The following GRID1 variants were observed in gnomAD, a reference collection of about 807,000 sequenced individuals.
The protein encoded by GRID1 is glutamate ionotropic receptor delta type subunit 1, also known as glutamate receptor ionotropic, delta-1.
Under a neutral mutation model 98.0 loss-of-function variants are expected in GRID1, and 28 were observed. The ratio of observed to expected loss-of-function variants is 0.29; its 90% CI spans 0.21 to 0.39. The LOEUF (loss-of-function observed/expected upper bound fraction) is 0.39, where lower values mean the gene tolerates loss of function less well. Ranked by LOEUF, GRID1 falls within the 10% of genes least tolerant of loss-of-function variation. GRID1 has a pLI of 1.00. For synonymous variants in GRID1, 553 were observed against 538.5 expected, an observed-to-expected ratio of 1.03 and a Z score of -0.37; for missense variants, 1,111 against 1,340.5, an observed-to-expected ratio of 0.83 and a Z score of 2.67.
chr10:85,625,998 G>A (rs1432925415), intron 13 of GRID1, among the ~76,000 whole-genome samples: 2 of 152,110 alleles, frequency 1.3e-5, no homozygotes, highest in African/African-American at 4.8e-5. Flanking sequence ...CTTTGGAAAG[G>A]GACAAGCAAC....
At chr10:86,063,929 T>C (rs1843683848) in intron 4 of GRID1, among the ~76,000 whole-genome samples, 1 of 152,164 alleles carries the variant, frequency 6.6e-6, no homozygotes, top group South Asian at 2.1e-4. Flanking sequence ...GCAGAGACCA[T>C]ATATGCTACA....
intron 4 of GRID1, among the ~76,000 whole-genome samples, chr10:86,129,668 T>C (rs560330544): frequency 6.6e-6 from 1 of 152,206 alleles, no homozygotes; most frequent in African/African-American, 2.4e-5. Context: ...AGAAGGCACA[T>C]GGCCCCAGGT....
chr10:86,307,535 C>T (rs564718997), intron 2 of GRID1, among the ~76,000 whole-genome samples: 169 of 152,174 alleles, frequency 1.1e-3, no homozygotes, highest in Non-Finnish European at 2.4e-4. Context: ...CCAGGAGCTG[C>T]TGTGGGGGGG....
intron 5 of GRID1, among the ~76,000 whole-genome samples, chr10:85,878,947 C>CA (rs1176586440): frequency 2.0e-5 from 3 of 151,220 alleles, no homozygotes; most frequent in South Asian, 2.1e-4. Context: ...AAATGGAAAA[C>CA]AAAAAAAGGC....
chr10:85,738,923 G>C (rs1252016221), intron 8 of GRID1, among the ~76,000 whole-genome samples: 2 of 152,076 alleles, frequency 1.3e-5, no homozygotes, highest in African/African-American at 4.8e-5. Flanking sequence ...GAATGGCCTG[G>C]TGCTTACATT....
At chr10:85,691,213 G>A (rs972057051) in intron 12 of GRID1, among the ~76,000 whole-genome samples, 1 of 152,104 alleles carries the variant, frequency 6.6e-6, no homozygotes, top group African/African-American at 2.4e-5. Flanking sequence ...TCACATTATT[G>A]TCTGTTAATG....
At chr10:85,942,543 C>T (rs1475772949) in intron 4 of GRID1, among the ~76,000 whole-genome samples, 3 of 152,210 alleles carry the variant, frequency 2.0e-5, no homozygotes, top group Non-Finnish European at 4.4e-5. Context: ...CTCCTTCCTG[C>T]AGCTACTGTA....
intron 2 of GRID1, among the ~76,000 whole-genome samples, chr10:86,353,995 C>T (rs1388347830): frequency 2.6e-5 from 4 of 152,182 alleles, no homozygotes; most frequent in Non-Finnish European, 4.4e-5. Context: ...AGCCCAGAGC[C>T]CAGACCAGAG....
At chr10:85,898,044 G>GT (rs1841319341) in intron 5 of GRID1, among the ~76,000 whole-genome samples, 1 of 152,114 alleles carries the variant, frequency 6.6e-6, no homozygotes, top group Non-Finnish European at 1.5e-5. Context: ...ATCATAGAGG[G>GT]TACTTACACA....
chr10:85,685,665 T>A (rs1356009359), intron 12 of GRID1, among the ~76,000 whole-genome samples: 1 of 152,120 alleles, frequency 6.6e-6, no homozygotes, highest in Non-Finnish European at 1.5e-5. Flanking sequence ...GGAAGTTAAA[T>A]AAATTAAAAC....
chr10:86,058,558 G>A (rs547858895), intron 4 of GRID1, among the ~76,000 whole-genome samples: 9 of 152,178 alleles, frequency 5.9e-5, no homozygotes, highest in Non-Finnish European at 8.8e-5. Flanking sequence ...ACCACAGCTC[G>A]AAGTTCTGGG....
chr10:86,304,748 A>G (rs1847735918), intron 2 of GRID1, among the ~76,000 whole-genome samples: 1 of 152,244 alleles, frequency 6.6e-6, no homozygotes. Context: ...GAAGGCTTCA[A>G]GAGGGACAAG....
intron 12 of GRID1, among the ~76,000 whole-genome samples, chr10:85,660,741 G>A (rs1018888314): frequency 6.6e-6 from 1 of 151,962 alleles, no homozygotes; most frequent in African/African-American, 2.4e-5. Context: ...AGGAGTCCAG[G>A]GCCTGGATTC....
Position 85,791,051 on chromosome 10 carries a change from G to A in GRID1, c.1234-61437C>T, listed in dbSNP as rs1160793259. On this transcript the variant is annotated intron_variant, in intron 8 of 15. Coordinates refer to ENST00000327946, the MANE Select transcript of GRID1 (RefSeq NM_017551.3). The stretch of plus-strand genomic sequence containing the variant: ...GACAACGAGTGACTTCATCCCTAGC[G>A]ATGGCCACCCATGGTGACAGAAGCA... Among the ~76,000 whole-genome samples the A allele has an allele frequency of 5.9e-5, 9 of 152,274 alleles. No homozygotes were observed. The East Asian group carries it at 7.7e-4, about 13-fold the overall frequency.
At chr10:86,265,502 G>C (rs1847090622) in intron 2 of GRID1, among the ~76,000 whole-genome samples, 1 of 152,222 alleles carries the variant, frequency 6.6e-6, no homozygotes, top group South Asian at 2.1e-4. Flanking sequence ...GCCCAGCGTG[G>C]ATTTGAATCC....
chr10:85,961,879 A>G (rs1842272369), intron 4 of GRID1, among the ~76,000 whole-genome samples: 1 of 151,958 alleles, frequency 6.6e-6, no homozygotes, highest in Admixed American at 6.6e-5. Context: ...AAAGAGAGAG[A>G]GGGAAGGAGG....
At chr10:86,005,246 G>T (rs1383612560) in intron 4 of GRID1, among the ~76,000 whole-genome samples, 1 of 151,936 alleles carries the variant, frequency 6.6e-6, no homozygotes. Context: ...AGCCAACCAC[G>T]ATGGCTCCCA....
At chr10:86,202,308 C>A (rs889601121) in intron 3 of GRID1, among the ~76,000 whole-genome samples, 3 of 152,176 alleles carry the variant, frequency 2.0e-5, no homozygotes, top group African/African-American at 7.2e-5. Context: ...GTAGGGATTC[C>A]GTGAATATTT....
intron 3 of GRID1, among the ~76,000 whole-genome samples, chr10:86,204,475 C>A (rs908792917): frequency 6.6e-5 from 10 of 152,202 alleles, no homozygotes; most frequent in Admixed American, 2.6e-4. Flanking sequence ...GAGCGTGTAA[C>A]CAAGCTGCCA....
Sources: gnomAD v4.1 joint callset for allele counts (sites outside exome capture counted in the v4.1 genomes callset) on GRCh38, gnomAD v4.1.1 for gene constraint, MANE v1.5 for transcripts, NCBI Gene and HGNC (gene_info 2026-07-23, HGNC 2026-07-21) for gene names.